Variants in CECR2 observed in about 807,000 individuals in gnomAD.
The protein encoded by CECR2 is chromatin remodeling regulator CECR2.
CECR2 carries 30 observed loss-of-function variants against 154.5 expected under a neutral mutation model. The observed-to-expected ratio is 0.19, with a 90% confidence interval of 0.15 to 0.26. CECR2 has a LOEUF of 0.26. CECR2 is among the 10% of genes least tolerant of loss of function. The pLI, the probability that CECR2 is intolerant of heterozygous loss-of-function variation, is 1.00. For synonymous variants in CECR2, 725 were observed against 683.7 expected, an observed-to-expected ratio of 1.06 and a Z score of -0.94; for missense variants, 1,743 against 1,829.3, an observed-to-expected ratio of 0.95 and a Z score of 0.86.
chr22:17,505,396 C>T (rs2055821654), intron 7 of CECR2, among the ~76,000 whole-genome samples: 1 of 152,082 alleles, frequency 6.6e-6, no homozygotes, highest in South Asian at 2.1e-4. Flanking sequence ...CATTGCCAGC[C>T]CTTTGCCTGG....
intron 1 of CECR2, among the ~76,000 whole-genome samples, chr22:17,360,745 T>G (rs1263246452): frequency 6.7e-6 from 1 of 149,870 alleles, no homozygotes; most frequent in Non-Finnish European, 1.5e-5. Context: ...TGAGGGAGGC[T>G]GAGGCAGAAG....
chr22:17,390,557 A>AT (rs913027425), intron 1 of CECR2, among the ~76,000 whole-genome samples: 1 of 152,208 alleles, frequency 6.6e-6, no homozygotes, highest in African/African-American at 2.4e-5. Flanking sequence ...CAGTTGCCAG[A>AT]TTCCTTTTTA....
At chr22:17,413,583 T>C (rs1252900862) in intron 1 of CECR2, among the ~76,000 whole-genome samples, 1 of 152,170 alleles carries the variant, frequency 6.6e-6, no homozygotes, top group African/African-American at 2.4e-5. Flanking sequence ...TATGACATTT[T>C]GGGCCTGCTC....
At chr22:17,529,031 G>A (rs976022364) in intron 9 of CECR2, among the ~76,000 whole-genome samples, 1 of 152,108 alleles carries the variant, frequency 6.6e-6, no homozygotes, top group Admixed American at 6.6e-5. Flanking sequence ...AGGAGATCGA[G>A]GCTGCAGTGA....
At chr22:17,431,199 T>C (rs1273548420) in intron 1 of CECR2, among the ~76,000 whole-genome samples, 2 of 152,242 alleles carry the variant, frequency 1.3e-5, no homozygotes, top group Admixed American at 6.5e-5. Context: ...ATATATCTTA[T>C]TTCATTTAGC....
At chr22:17,370,271 G>A (rs1368908452) in intron 1 of CECR2, among the ~76,000 whole-genome samples, 2 of 146,824 alleles carry the variant, frequency 1.4e-5, no homozygotes, top group Non-Finnish European at 3.0e-5. Context: ...CGCGCTCGCC[G>A]CCCGGTGCCA....
In CECR2 at chr22:17,499,559, T is replaced by C; in HGVS notation, c.545+10T>C. 6.2e-7 allele frequency: 1 copy of C among 1,601,400 alleles called. No individual in the cohort carries two copies. The highest frequency in any genetic ancestry group is 8.5e-7 in the Non-Finnish European group (1 of 1,173,498). On this transcript the variant is annotated intron_variant, in intron 4 of 18. Coordinates refer to ENST00000262608, the MANE Select transcript of CECR2 (RefSeq NM_001290047.2). ...AACTCTCTTTGAGCAGGTATGTTCT[T>C]CAGTGTTAGGGCATGATAGCTACTG...
Position 17,543,023 on chromosome 22 carries a change from T to C in CECR2, c.2860+20T>C, listed in dbSNP as rs763442617. ...ACCAAGGTAATTTACACTGTCACTT[T>C]GGGCTCTTTAAGCTCTTGTTTCATG... is the stretch of plus-strand genomic sequence containing the variant. On this transcript the variant is annotated intron_variant, in intron 16 of 18. Coordinates refer to ENST00000262608, the MANE Select transcript of CECR2 (RefSeq NM_001290047.2). 1 of 1,578,190 alleles carries C rather than the reference T, an allele frequency of 6.3e-7. No individual in the cohort carries two copies. The highest frequency in any genetic ancestry group is 8.6e-7 in the Non-Finnish European group (1 of 1,160,820).
intron 1 of CECR2, among the ~76,000 whole-genome samples, chr22:17,406,212 T>C (rs1359448128): frequency 6.6e-6 from 1 of 152,234 alleles, no homozygotes; most frequent in Non-Finnish European, 1.5e-5. Context: ...GGTAAATGTT[T>C]CATTTTCACT....
intron 1 of CECR2, among the ~76,000 whole-genome samples, chr22:17,413,963 C>T (rs541476163): frequency 6.3e-5 from 9 of 143,826 alleles, no homozygotes; most frequent in Non-Finnish European, 1.4e-4. Flanking sequence ...AGGCGTGAAC[C>T]ACCGCGCCCG....
Position 17,537,124 on chromosome 22 carries a change from T to C in CECR2, c.1130T>C (p.Leu377Pro). 1 of 1,613,822 alleles carries C rather than the reference T, an allele frequency of 6.2e-7. No homozygotes were observed. Among genetic ancestry groups the C allele is most frequent in the Non-Finnish European group, 8.5e-7 (1 of 1,179,870 alleles). Residue 377 changes from leucine to proline, a missense_variant, in exon 10 of 19, where the codon CTC (leucine) becomes CCC (proline). Leu to Pro is a moderately conservative substitution (Grantham distance 98). Around this residue, in one of 4 missense-constraint regions of CECR2, gnomAD observed 292 missense variants for 301.2 expected, o/e 0.97. Transcript: ENST00000262608. ...GTAGATCGAGCGAAGAGGAGAAAGC[T>C]CAGGGAAGAAAGGGCATGGCTGCTG... ...AVEDRAKRRK[L>P]REERAWLLAQ...
upstream of CECR2, among the ~76,000 whole-genome samples, chr22:17,369,209 C>G (rs1481998297): frequency 3.9e-5 from 6 of 151,938 alleles, no homozygotes; most frequent in East Asian, 1.2e-3. Context: ...CTTCAACTCC[C>G]CAGTCCCAAA....
intron 1 of CECR2, among the ~76,000 whole-genome samples, chr22:17,398,562 G>T (rs1265686423): frequency 6.6e-6 from 1 of 152,210 alleles, no homozygotes; most frequent in Non-Finnish European, 1.5e-5. Context: ...TCTGGAGCCA[G>T]ACGGGGTCTG....
In CECR2 at chr22:17,554,125, C is replaced by T. The variant is rs2056748140; in HGVS notation, c.*1285C>T. 1 of 152,118 alleles carries T rather than the reference C, an allele frequency of 6.6e-6. No individual in the cohort carries two copies. The highest frequency in any genetic ancestry group is 2.1e-4 in the South Asian group (1 of 4,830). The allele number at this position is 152,118 out of a possible 1,614,324, so 9.4% of individuals were successfully genotyped here. ...GAAACCATTTTACAGTATTAAATTA[C>T]TTTATTACAGTTGTAGAGTTGAATT... On this transcript the variant is annotated 3_prime_UTR_variant, in exon 19 of 19. Transcript: ENST00000262608.
intron 8 of CECR2, among the ~76,000 whole-genome samples, chr22:17,517,948 T>C (rs543451382): frequency 1.3e-5 from 2 of 152,348 alleles, no homozygotes; most frequent in South Asian, 4.1e-4. Flanking sequence ...TCAGTCACTG[T>C]TGCAGATAAA....
intron 1 of CECR2, among the ~76,000 whole-genome samples, chr22:17,435,706 A>AC (rs2054495494): frequency 2.1e-5 from 3 of 145,658 alleles, no homozygotes; most frequent in African/African-American, 8.3e-5. Context: ...AAAAAAAAAA[A>AC]AAAACAGGAG....
At position 17,532,399 on chromosome 22, in the gene CECR2, G is replaced by A. The variant is rs1267646092; in HGVS notation, c.1109-4704G>A. The stretch of plus-strand genomic sequence containing the variant: ...TTCTAGTAGTTTCAGGCCTTCCTGG[G>A]GTTTTCTGCAAACTTAGAATAATAG... On this transcript the variant is annotated intron_variant, in intron 9 of 18. Coordinates refer to ENST00000262608, the MANE Select transcript of CECR2 (RefSeq NM_001290047.2). 6.6e-5 allele frequency among the ~76,000 whole-genome samples: 10 copies of A among 152,016 alleles called. 1 individual carries two copies. Among genetic ancestry groups the A allele is most frequent in the Admixed American group, 6.6e-4 (10 of 15,230 alleles).
At chr22:17,517,225 G>T (rs1399644374) in intron 8 of CECR2, among the ~76,000 whole-genome samples, 1 of 150,878 alleles carries the variant, frequency 6.6e-6, no homozygotes, top group Non-Finnish European at 1.5e-5. Flanking sequence ...TCGCACATGC[G>T]CACTTGCGCT....
In CECR2 at chr22:17,548,968, C is replaced by T. The variant is rs754815858; in HGVS notation, c.3681C>T (p.Ala1227=). The T allele has an allele frequency of 2.5e-6, 4 of 1,614,010 alleles. No individual in the cohort carries two copies. The highest frequency in any genetic ancestry group is 1.1e-5 in the South Asian group (1 of 91,084). ...AGGGAAGCCCAAGCGGACCCCCAGC[C>T]AGTCAGCCTCCCCCACCAAGGTCCC... ...HPQGSPSGPP[A]SQPPPPRSLF... Residue 1227 remains alanine (A), a synonymous_variant, in exon 17 of 19, where the codon GCC becomes GCT. Transcript: ENST00000262608.
Sources: gnomAD v4.1 joint callset for allele counts (sites outside exome capture counted in the v4.1 genomes callset) on GRCh38, gnomAD v4.1.1 for gene constraint, gnomAD v4.1.1 regional missense constraint, MANE v1.5 for transcripts, NCBI Gene and HGNC (gene_info 2026-07-23, HGNC 2026-07-21) for gene names.